Variants in ARHGAP32 observed in about 807,000 individuals in gnomAD.
The protein encoded by ARHGAP32 is rho GTPase-activating protein 32.
A neutral mutation model predicts 186.5 loss-of-function variants in ARHGAP32; 51 were observed. The observed-to-expected ratio is 0.27, with a 90% confidence interval of 0.22 to 0.35. The LOEUF (loss-of-function observed/expected upper bound fraction) is 0.35. Ranked by LOEUF, ARHGAP32 falls within the 10% of genes least tolerant of loss-of-function variation. The pLI is 1.00. For synonymous variants in ARHGAP32, 950 were observed against 964.3 expected (o/e 0.99, Z 0.27); for missense variants, 2,186 against 2,623.5 (o/e 0.83, Z 3.64).
intron 1 of ARHGAP32, among the ~76,000 whole-genome samples, chr11:129,173,794 T>C (rs995654449): frequency 2.0e-5 from 3 of 152,314 alleles, no homozygotes; most frequent in Admixed American, 2.0e-4. Context: ...AGCATCACAC[T>C]TAACATTGAA....
chr11:129,051,953 C>CAAAAAAAAAAAA (rs36014500), intron 10 of ARHGAP32, among the ~76,000 whole-genome samples: 1 of 71,138 alleles, frequency 1.4e-5, no homozygotes, highest in African/African-American at 5.8e-5. Context: ...GATTCTGTCT[C>CAAAAAAAAAAAA]AAAAAAAAAA....
At chr11:129,018,293 G>C (rs1256607968) in intron 11 of ARHGAP32, among the ~76,000 whole-genome samples, 1 of 152,072 alleles carries the variant, frequency 6.6e-6, no homozygotes, top group African/African-American at 2.4e-5. Flanking sequence ...TATTAGATGT[G>C]AACTTCTAGT....
At chr11:129,020,820 G>A (rs1436269593) in intron 11 of ARHGAP32, among the ~76,000 whole-genome samples, 2 of 151,998 alleles carry the variant, frequency 1.3e-5, no homozygotes, top group East Asian at 1.9e-4. Context: ...GAATTTTAAT[G>A]TACTACAAAG....
At chr11:129,186,586 GAC>G (rs1944166164) in intron 1 of ARHGAP32, among the ~76,000 whole-genome samples, 1 of 152,056 alleles carries the variant, frequency 6.6e-6, no homozygotes, top group African/African-American at 2.4e-5. Context: ...AAAGTGAAGA[GAC>G]AACCCACAGC....
intron 11 of ARHGAP32, among the ~76,000 whole-genome samples, chr11:129,005,612 G>A (rs936040280): frequency 3.3e-5 from 5 of 152,130 alleles, no homozygotes; most frequent in Non-Finnish European, 2.9e-5. Flanking sequence ...CCACTGAAAA[G>A]TCTGCTGCCA....
intron 1 of ARHGAP32, chr11:129,203,146 C>T (rs893043093): frequency 2.6e-5 from 4 of 152,184 alleles, no homozygotes; most frequent in Non-Finnish European, 4.4e-5. Context: ...GCAGACTCAA[C>T]AAATAACAAA....
At chr11:129,174,144 A>G (rs996496401) in intron 1 of ARHGAP32, among the ~76,000 whole-genome samples, 2 of 152,234 alleles carry the variant, frequency 1.3e-5, no homozygotes, top group Non-Finnish European at 2.9e-5. Context: ...GCAGAGGGTC[A>G]GGGAGTTCCC....
At chr11:129,213,934 ATGTT>A (rs901256215) in intron 1 of ARHGAP32, among the ~76,000 whole-genome samples, 3 of 152,074 alleles carry the variant, frequency 2.0e-5, no homozygotes, top group African/African-American at 7.2e-5. Context: ...GCAGGTAAGA[ATGTT>A]TGTTTTGTTT....
chr11:129,205,969 T>C (rs1368076159), intron 1 of ARHGAP32, among the ~76,000 whole-genome samples: 1 of 152,086 alleles, frequency 6.6e-6, no homozygotes, highest in African/African-American at 2.4e-5. Flanking sequence ...TAGGTATCTA[T>C]TACTCAGCTT....
chr11:129,244,984 CT>C lies in ARHGAP32; in HGVS notation c.-5+34161del, dbSNP rs1168688473. On this transcript the variant is annotated intron_variant, in intron 1 of 6. Coordinates refer to the ARHGAP32 transcript ENST00000525234. ...GAGAGGATGTGGACAAATAGGAACA[CT>C]TTTACACTGTTGCTGGGACTGTAAA... 1.1e-4 allele frequency among the ~76,000 whole-genome samples: 16 copies of C among 151,998 alleles called. No homozygotes were observed. In the East Asian group the frequency reaches 2.5e-3, roughly 24 times the overall value.
chr11:129,036,969 G>A (rs1939367915), intron 11 of ARHGAP32, among the ~76,000 whole-genome samples: 1 of 152,118 alleles, frequency 6.6e-6, no homozygotes, highest in South Asian at 2.1e-4. Context: ...AAATCCCAAG[G>A]AATCCACTAT....
At chr11:129,174,585 C>G (rs1160562521) in intron 1 of ARHGAP32, among the ~76,000 whole-genome samples, 1 of 152,186 alleles carries the variant, frequency 6.6e-6, no homozygotes, top group Non-Finnish European at 1.5e-5. Flanking sequence ...CAGCACGCAG[C>G]TGGAGATCTG....
At chr11:129,231,782 T>C (rs1013217501) in intron 1 of ARHGAP32, among the ~76,000 whole-genome samples, 2 of 151,918 alleles carry the variant, frequency 1.3e-5, no homozygotes, top group Admixed American at 6.6e-5. Flanking sequence ...CCTAGCACTT[T>C]GGGAGGCAGA....
intron 11 of ARHGAP32, among the ~76,000 whole-genome samples, chr11:129,029,057 T>G (rs1294093533): frequency 2.6e-5 from 4 of 152,194 alleles, no homozygotes; most frequent in Non-Finnish European, 4.4e-5. Context: ...TAAAAGATTT[T>G]TTTAAATTAA....
At chr11:129,098,464 G>A (rs987433411) in intron 5 of ARHGAP32, among the ~76,000 whole-genome samples, 5 of 151,098 alleles carry the variant, frequency 3.3e-5, no homozygotes, top group African/African-American at 1.2e-4. Context: ...CATCTCCCAG[G>A]CTGGAGTGCA....
chr11:129,078,694 T>C (rs529084007), intron 6 of ARHGAP32, among the ~76,000 whole-genome samples: 1 of 152,008 alleles, frequency 6.6e-6, no homozygotes, highest in Non-Finnish European at 1.5e-5. Flanking sequence ...GGTTTCACCA[T>C]GTTGGCCAGG....
chr11:129,124,040 C>CT (rs34358416), intron 3 of ARHGAP32, 111 bp from the exon 4 acceptor site: 79,979 of 615,104 alleles, frequency 0.13, 6,033 homozygotes, highest in Non-Finnish European at 0.14. Context: ...AAACTGATTA[C>CT]TTTCAGGTAC....
rs764257016 is a variant in ARHGAP32, at chr11:128,970,825, G to T, written c.4388C>A (p.Thr1463Asn). 58 of 1,614,122 alleles carry T rather than the reference G, an allele frequency of 3.6e-5. No individual in the cohort carries two copies. Among genetic ancestry groups the T allele is most frequent in the Non-Finnish European group, 4.7e-5 (55 of 1,180,044 alleles). ...NYHSFVTASS[T>N]SVDDALPLPL... ...TAAAGGCAATGCATCGTCCACAGAG[G>T]TGGATGAAGCAGTGACAAAGGAATG... Residue 1463 changes from threonine to asparagine, a missense_variant, in exon 23 of 23, where the codon ACC (threonine) becomes AAC (asparagine). By Grantham distance (65) the Thr-to-Asn change is moderately conservative. Around this residue, in one of 5 missense-constraint regions of ARHGAP32, gnomAD observed 1,502 missense variants for 1,570.0 expected, o/e 0.96. Transcript: ENST00000682385. The surrounding 1 kb of genome is among the most constrained non-coding windows in gnomAD (Gnocchi z 5.8).
rs1439159359 is a variant in ARHGAP32, at chr11:129,262,864, CT to C, written c.-5+16281del. 3.3e-5 allele frequency among the ~76,000 whole-genome samples: 5 copies of C among 152,228 alleles called. No homozygotes were observed. In the East Asian group the frequency reaches 7.7e-4, roughly 23 times the overall value. On this transcript the variant is annotated intron_variant, in intron 1 of 6. Coordinates refer to the ARHGAP32 transcript ENST00000525234. ...TAAATTACTTCAAGGTTAACGAATT[CT>C]TTTTAAAAATATGTTAATATTGTCT... is the stretch of plus-strand genomic sequence containing the variant.
Sources: allele counts gnomAD v4.1 joint callset (sites outside exome capture counted in the v4.1 genomes callset), GRCh38; gene constraint gnomAD v4.1.1; regional missense constraint gnomAD v4.1.1; non-coding constraint Gnocchi (gnomAD v3.1); transcripts MANE v1.5; gene names NCBI Gene and HGNC (gene_info 2026-07-23, HGNC 2026-07-21).